The following ANK2 variants were observed in gnomAD, a reference collection of about 807,000 sequenced individuals.
ANK2 encodes ankyrin-2.
Under a neutral mutation model 360.5 loss-of-function variants are expected in ANK2, and 83 were observed. That is an observed-to-expected ratio of 0.23 (90% CI 0.19 to 0.28). The LOEUF (loss-of-function observed/expected upper bound fraction) is 0.28. Ranked by LOEUF, ANK2 falls within the 10% of genes least tolerant of loss-of-function variation. ANK2 has a pLI of 1.00. For missense variants in ANK2, 4,201 were observed against 4,795.7 expected (o/e 0.88, Z 3.66); for synonymous variants, 1,740 against 1,759.5 (o/e 0.99, Z 0.28).
chr4:113,271,625 T>C lies in ANK2; in HGVS notation c.1486-2827T>C, dbSNP rs1416479684. 4.6e-5 allele frequency among the ~76,000 whole-genome samples: 7 copies of C among 152,304 alleles called. No homozygotes were observed. In the East Asian group the frequency reaches 1.2e-3, roughly 25 times the overall value. On this transcript the variant is annotated intron_variant, in intron 14 of 45. Coordinates refer to ENST00000357077, the MANE Select transcript of ANK2 (RefSeq NM_001148.6). Reference sequence around the variant, plus strand: ...GAGCTCCAAGGTTGAGATTGCTGCGTAGTTCACAATCTTCTCAATCAGGTT... The same window carrying C: ...GAGCTCCAAGGTTGAGATTGCTGCGCAGTTCACAATCTTCTCAATCAGGTT...
At chr4:112,996,530 T>C (rs10212850) in intron 2 of ANK2, among the ~76,000 whole-genome samples, 24,517 of 152,176 alleles carry the variant, frequency 0.16, 2,492 homozygotes, top group African/African-American at 0.29. Flanking sequence ...TACCATTCAC[T>C]TTTCTTATGT....
At chr4:113,326,790 C>T (rs915947184) in intron 26 of ANK2, among the ~76,000 whole-genome samples, 1 of 152,042 alleles carries the variant, frequency 6.6e-6, no homozygotes, top group Non-Finnish European at 1.5e-5. Flanking sequence ...TTGCTTGAGC[C>T]TAGGAGTTCA....
At chr4:113,198,573 A>C (rs1195179381) in intron 3 of ANK2, among the ~76,000 whole-genome samples, 3 of 152,168 alleles carry the variant, frequency 2.0e-5, no homozygotes, top group Non-Finnish European at 4.4e-5. Flanking sequence ...ACATAACTAT[A>C]AGCAGCTCGT....
the ANK2 span, among the ~76,000 whole-genome samples, chr4:112,744,909 T>A: frequency 3.3e-5 from 5 of 152,266 alleles, no homozygotes; most frequent in Non-Finnish European, 7.3e-5. Context: ...CATATTTTTG[T>A]AAGTTTATTA....
chr4:113,095,133 T>C (rs999994581), intron 1 of ANK2, among the ~76,000 whole-genome samples: 2 of 152,228 alleles, frequency 1.3e-5, no homozygotes, highest in African/African-American at 4.8e-5. Flanking sequence ...TCTTCCAATG[T>C]TGGGATTCCT....
intron 1 of ANK2, among the ~76,000 whole-genome samples, chr4:113,099,616 G>A (rs903155974): frequency 1.8e-4 from 27 of 151,870 alleles, no homozygotes; most frequent in African/African-American, 6.5e-4. Context: ...TTGTCTTGTG[G>A]ATACTGACAA....
the ANK2 span, among the ~76,000 whole-genome samples, chr4:112,796,418 C>G: frequency 7.4e-5 from 11 of 149,558 alleles, no homozygotes; most frequent in Non-Finnish European, 1.5e-5. Context: ...AGCGAAACTC[C>G]GTCTCAAAAA....
At chr4:113,287,897 T>C (rs1278529708) in intron 19 of ANK2, among the ~76,000 whole-genome samples, 194 bp downstream of exon 19, 1 of 152,202 alleles carries the variant, frequency 6.6e-6, no homozygotes, top group Non-Finnish European at 1.5e-5. Context: ...GTCCAGTGGA[T>C]AGCATGAGGT....
chr4:112,965,300 C>G (rs184936006), intron 2 of ANK2, among the ~76,000 whole-genome samples: 10 of 152,190 alleles, frequency 6.6e-5, no homozygotes, highest in African/African-American at 2.2e-4. Flanking sequence ...TGTATGTCTT[C>G]TTTTGAGAAA....
intron 2 of ANK2, among the ~76,000 whole-genome samples, chr4:113,182,389 T>G (rs1382750170): frequency 1.3e-5 from 2 of 152,202 alleles, no homozygotes; most frequent in Admixed American, 1.3e-4. Flanking sequence ...GCCTGAAGTG[T>G]ACATTTTGGC....
intron 1 of ANK2, among the ~76,000 whole-genome samples, chr4:112,870,148 G>A (rs929692633): frequency 7.9e-5 from 12 of 151,844 alleles, no homozygotes; most frequent in African/African-American, 2.7e-4. Context: ...ACAGGTGCCC[G>A]CCACCACACC....
chr4:112,779,611 A>G, the ANK2 span, among the ~76,000 whole-genome samples: 1 of 152,192 alleles, frequency 6.6e-6, no homozygotes, highest in African/African-American at 2.4e-5. Flanking sequence ...CAATGATCTC[A>G]ATTATACAAA....
chr4:112,813,221 G>C (rs557469611), upstream of ANK2, among the ~76,000 whole-genome samples: 28 of 136,994 alleles, frequency 2.0e-4, no homozygotes, highest in Non-Finnish European at 3.5e-4. Flanking sequence ...CTGGGCAACA[G>C]AGTGAGACTC....
chr4:113,173,754 T>G (rs891647028), intron 1 of ANK2, among the ~76,000 whole-genome samples: 1 of 152,192 alleles, frequency 6.6e-6, no homozygotes, highest in Non-Finnish European at 1.5e-5. Flanking sequence ...CAAAAGATTT[T>G]AGTCTGGTAT....
intron 1 of ANK2, among the ~76,000 whole-genome samples, chr4:112,831,166 G>A (rs918065037): frequency 1.8e-4 from 27 of 152,240 alleles, no homozygotes; most frequent in African/African-American, 5.5e-4. Context: ...CAGTCCCATC[G>A]ACTGCCCAAG....
chr4:113,009,925 T>C (rs143529594), intron 2 of ANK2, among the ~76,000 whole-genome samples: 1 of 149,532 alleles, frequency 6.7e-6, no homozygotes, highest in Admixed American at 6.7e-5. Flanking sequence ...TTGTTGAGAG[T>C]ACACACACAC....
At chr4:112,991,619 C>CTTTTTTTTT (rs35505334) in intron 2 of ANK2, among the ~76,000 whole-genome samples, 23 of 125,824 alleles carry the variant, frequency 1.8e-4, no homozygotes, top group Non-Finnish European at 2.7e-4. Flanking sequence ...TTCTTTCTTT[C>CTTTTTTTTT]TTTTTTTTTT....
chr4:112,886,628 C>G (rs945021581), intron 1 of ANK2, among the ~76,000 whole-genome samples: 1 of 152,162 alleles, frequency 6.6e-6, no homozygotes, highest in Admixed American at 6.5e-5. Flanking sequence ...CGCCACTGCA[C>G]TCCAGCTTGG....
At chr4:113,225,666 T>A (rs2099210819) in intron 4 of ANK2, among the ~76,000 whole-genome samples, 1 of 152,206 alleles carries the variant, frequency 6.6e-6, no homozygotes, top group South Asian at 2.1e-4. Flanking sequence ...ACAGTATTTT[T>A]CTCTGTATAA....
Sources: allele counts gnomAD v4.1 joint callset (sites outside exome capture counted in the v4.1 genomes callset), GRCh38; gene constraint gnomAD v4.1.1; transcripts MANE v1.5; gene names NCBI Gene and HGNC (gene_info 2026-07-23, HGNC 2026-07-21).